Variants in DISC1 observed in about 807,000 individuals in gnomAD.
The protein encoded by DISC1 is disrupted in schizophrenia 1 protein.
A neutral mutation model predicts 84.5 loss-of-function variants in DISC1; 57 were observed. That is an observed-to-expected ratio of 0.67 (90% confidence interval 0.55 to 0.84). The LOEUF (loss-of-function observed/expected upper bound fraction) is 0.84. DISC1 is among the 40% of genes least tolerant of loss of function. DISC1 has a pLI of 0.00. For missense variants in DISC1, 1,000 were observed against 1,057.8 expected (o/e 0.95, Z 0.76); for synonymous variants, 411 against 415.2 (o/e 0.99, Z 0.12).
At chr1:231,965,616 C>CT (rs1660995379) in intron 10 of DISC1, among the ~76,000 whole-genome samples, 1 of 152,228 alleles carries the variant, frequency 6.6e-6, no homozygotes. Context: ...TTGTTATGTC[C>CT]TCCTCCTCTC....
intron 9 of DISC1, among the ~76,000 whole-genome samples, chr1:231,955,294 T>C (rs980665621): frequency 2.6e-5 from 4 of 152,066 alleles, no homozygotes; most frequent in Non-Finnish European, 5.9e-5. Flanking sequence ...TTTCCCAAAC[T>C]CCAGACTCAG....
chr1:231,770,891 G>A lies in DISC1; in HGVS notation c.1455G>A (p.Gln485=). ...TTGTGCTGGAAGCCAAAGATCAACAGCTGAGAAGGGAAATAGAGGAGCAAG... is the reference window on the plus strand; with the variant it reads ...TTGTGCTGGAAGCCAAAGATCAACAACTGAGAAGGGAAATAGAGGAGCAAG... ...RMFVLEAKDQ[Q]LRREIEEQEQ... Residue 485 remains glutamine (Q), a synonymous_variant, in exon 6 of 13, where the codon CAG becomes CAA. Transcript: ENST00000439617. The A allele has an allele frequency of 1.2e-6, 2 of 1,614,200 alleles. No individual in the cohort carries two copies. Among genetic ancestry groups the A allele is most frequent in the Non-Finnish European group, 1.7e-6 (2 of 1,180,044 alleles).
chr1:231,708,709 G>A lies in DISC1; in HGVS notation c.1117+6685G>A, dbSNP rs368598191. 1.2e-4 allele frequency among the ~76,000 whole-genome samples: 19 copies of A among 152,306 alleles called. No homozygotes were observed. In the East Asian group the frequency reaches 1.5e-3, roughly 12 times the overall value. On this transcript the variant is annotated intron_variant, in intron 3 of 12. Coordinates refer to ENST00000439617, the MANE Select transcript of DISC1 (RefSeq NM_018662.3). ...TCAATTTGTCTCCCATCCCTACTGG[G>A]TCTAGAGCATTTTGTGTCCCACTGT...
intron 11 of DISC1, among the ~76,000 whole-genome samples, chr1:232,014,045 T>A (rs1572636748): frequency 6.6e-6 from 1 of 152,184 alleles, no homozygotes; most frequent in Admixed American, 6.5e-5. Flanking sequence ...GGTATCATAC[T>A]GTGAGCCACA....
chr1:231,970,961 G>A lies in DISC1; in HGVS notation c.2042+12073G>A, dbSNP rs1661869719. The stretch of plus-strand genomic sequence containing the variant: ...CTAAGGAAGAGACTGAGCTAAGGAA[G>A]GCAGTGTCTTGTGTAGGTTATATCC... On this transcript the variant is annotated intron_variant, in intron 10 of 12. Coordinates refer to ENST00000439617, the MANE Select transcript of DISC1 (RefSeq NM_018662.3). Among the ~76,000 whole-genome samples the A allele has an allele frequency of 2.0e-5, 3 of 152,222 alleles. No individual in the cohort carries two copies. In the East Asian group the frequency reaches 5.8e-4, roughly 29 times the overall value.
intron 8 of DISC1, among the ~76,000 whole-genome samples, chr1:231,803,852 G>A (rs2079480181): frequency 1.3e-5 from 2 of 150,306 alleles, no homozygotes; most frequent in South Asian, 4.2e-4. Flanking sequence ...GGAGGCGGAG[G>A]CAGGAGAATG....
intron 9 of DISC1, among the ~76,000 whole-genome samples, chr1:231,956,408 A>G (rs1659507823): frequency 6.6e-6 from 1 of 152,084 alleles, no homozygotes; most frequent in African/African-American, 2.4e-5. Context: ...GTGAGAAAAA[A>G]TATTCTACTT....
intron 9 of DISC1, among the ~76,000 whole-genome samples, chr1:231,834,981 G>A (rs1453091203): frequency 6.6e-6 from 1 of 152,170 alleles, no homozygotes; most frequent in Non-Finnish European, 1.5e-5. Context: ...TACCAGAAAA[G>A]GAAAGGAACT....
chr1:231,649,879 C>T (rs1473687195), intron 1 of DISC1, among the ~76,000 whole-genome samples: 1 of 152,080 alleles, frequency 6.6e-6, no homozygotes, highest in Non-Finnish European at 1.5e-5. Flanking sequence ...AGGATTGCAA[C>T]CCCTGCTTTT....
intron 6 of DISC1, among the ~76,000 whole-genome samples, chr1:231,784,752 T>G (rs2077702165): frequency 6.6e-6 from 1 of 152,162 alleles, no homozygotes; most frequent in South Asian, 2.1e-4. Context: ...ACTCTCTGGC[T>G]TCAGCCACCA....
chr1:231,639,154 G>T (rs1482317985), intron 1 of DISC1, among the ~76,000 whole-genome samples: 1 of 152,042 alleles, frequency 6.6e-6, no homozygotes, highest in Non-Finnish European at 1.5e-5. Flanking sequence ...GGAGCACAAG[G>T]CACTTGTCTT....
chr1:231,796,015 C>G (rs200732267), intron 7 of DISC1, among the ~76,000 whole-genome samples: 18 of 152,138 alleles, frequency 1.2e-4, no homozygotes, highest in Non-Finnish European at 2.1e-4. Flanking sequence ...TTCTTTAAAG[C>G]TTTTCAGTTG....
At chr1:231,645,269 C>T (rs2125226753) in intron 1 of DISC1, among the ~76,000 whole-genome samples, 1 of 152,260 alleles carries the variant, frequency 6.6e-6, no homozygotes, top group East Asian at 1.9e-4. Flanking sequence ...GTGGTAGACA[C>T]ACCGGTCATC....
intron 9 of DISC1, among the ~76,000 whole-genome samples, chr1:231,914,526 C>CT (rs2089479984): frequency 1.3e-5 from 2 of 152,158 alleles, no homozygotes. Context: ...ATTGAGGTAG[C>CT]TTTTGGTGGC....
intron 9 of DISC1, among the ~76,000 whole-genome samples, chr1:231,867,441 T>C (rs1316920455): frequency 6.6e-6 from 1 of 152,022 alleles, no homozygotes; most frequent in East Asian, 1.9e-4. Context: ...TTTGGAACTG[T>C]GTTTAAAAAA....
intron 4 of DISC1, among the ~76,000 whole-genome samples, chr1:231,763,459 T>G (rs2075932807): frequency 6.6e-6 from 1 of 152,242 alleles, no homozygotes; most frequent in Admixed American, 6.5e-5. Context: ...ATTTCTAAAT[T>G]ATGTCATATG....
chr1:231,815,858 C>G (rs1405511127), intron 8 of DISC1, among the ~76,000 whole-genome samples: 4 of 152,084 alleles, frequency 2.6e-5, no homozygotes, highest in South Asian at 4.1e-4. Flanking sequence ...ATTTTTGCAT[C>G]TTCCTGCTGA....
At position 231,826,076 on chromosome 1, in the gene DISC1, C is replaced by G. The variant is rs2081842116; in HGVS notation, c.1981+7559C>G. 6.6e-6 allele frequency among the ~76,000 whole-genome samples: 1 copy of G among 152,198 alleles called. No individual in the cohort carries two copies. On this transcript the variant is annotated intron_variant, in intron 9 of 12. Transcript: ENST00000439617. This position sits in a 1 kb window ranked among gnomAD's most constrained non-coding sequence, Gnocchi z 4.2. ...TCTCTTTCTTTTTGTTTCTCAAGCA[C>G]TTGAGAACTAAGCACTGTGCTAAGA...
At chr1:231,830,594 A>G (rs1254874397) in intron 9 of DISC1, among the ~76,000 whole-genome samples, 1 of 152,198 alleles carries the variant, frequency 6.6e-6, no homozygotes, top group Non-Finnish European at 1.5e-5. Context: ...CAGGGCATGT[A>G]TGAGTAGTTG....
Sources: gnomAD v4.1 joint callset for allele counts (sites outside exome capture counted in the v4.1 genomes callset) on GRCh38, gnomAD v4.1.1 for gene constraint, Gnocchi (gnomAD v3.1) non-coding constraint, MANE v1.5 for transcripts, NCBI Gene and HGNC (gene_info 2026-07-23, HGNC 2026-07-21) for gene names.